Variants in VPS50 observed in about 807,000 individuals in gnomAD.
The protein encoded by VPS50 is syndetin.
In VPS50, 70 loss-of-function variants were observed where a neutral mutation model predicts 139.7. The ratio of observed to expected loss-of-function variants is 0.50; its 90% CI spans 0.41 to 0.61. VPS50 has a LOEUF of 0.61. Ranked by LOEUF, VPS50 falls within the 20% of genes least tolerant of loss-of-function variation. The probability of loss-of-function intolerance (pLI) is 0.00; values close to 1 mark genes in which losing one functional copy is unlikely to be tolerated. For missense variants in VPS50, 921 were observed against 1,133.7 expected (o/e 0.81, Z 2.69); for synonymous variants, 365 against 376.7 (o/e 0.97, Z 0.36).
intron 4 of VPS50, 24 bp downstream of exon 4, chr7:93,253,955 C>G: frequency 7.2e-7 from 1 of 1,383,344 alleles, no homozygotes; most frequent in Non-Finnish European, 1.0e-6. Flanking sequence ...AAACACATTT[C>G]TTTCTGGCAA....
At chr7:93,334,669 G>T (rs745523329) in intron 22 of VPS50, among the ~76,000 whole-genome samples, 3 of 152,106 alleles carry the variant, frequency 2.0e-5, no homozygotes, top group Non-Finnish European at 2.9e-5. Context: ...CTTTATAAAC[G>T]GCTTTGAAAT....
chr7:93,281,419 T>A (rs1796323074), intron 12 of VPS50, among the ~76,000 whole-genome samples: 1 of 152,176 alleles, frequency 6.6e-6, no homozygotes, highest in South Asian at 2.1e-4. Context: ...CTCAGGATTT[T>A]TGTTTAGAAT....
At chr7:93,241,654 G>C (rs1273720328) in intron 2 of VPS50, among the ~76,000 whole-genome samples, 1 of 151,886 alleles carries the variant, frequency 6.6e-6, no homozygotes, top group Non-Finnish European at 1.5e-5. Flanking sequence ...GAGAGTTGCT[G>C]GGTCCAGAGA....
At chr7:93,243,282 T>C (rs1206072735) in intron 2 of VPS50, among the ~76,000 whole-genome samples, 1 of 151,946 alleles carries the variant, frequency 6.6e-6, no homozygotes, top group African/African-American at 2.4e-5. Context: ...CCAAGATCAG[T>C]GGTGCCCAAA....
At chr7:93,242,409 G>A (rs568941801) in intron 2 of VPS50, among the ~76,000 whole-genome samples, 1 of 151,732 alleles carries the variant, frequency 6.6e-6, no homozygotes, top group Non-Finnish European at 1.5e-5. Flanking sequence ...GGTATTATAA[G>A]TTATACAACC....
chr7:93,236,937 C>CTTTT (rs71107889), intron 1 of VPS50, among the ~76,000 whole-genome samples: 1,377 of 31,138 alleles, frequency 0.044, 187 homozygotes, highest in Middle Eastern at 0.083. Context: ...TCTTTTACTT[C>CTTTT]TTTTTTTTTT....
At chr7:93,258,114 T>C (rs1414215999) in intron 6 of VPS50, 45 bp from the exon 7 acceptor site, 1 of 782,638 alleles carries the variant, frequency 1.3e-6, no homozygotes, top group Admixed American at 2.1e-5. Context: ...ATAGTATTCT[T>C]ATTATAATAA....
chr7:93,236,937 CTTTTTTTTTTTTTT>C (rs71107889), intron 1 of VPS50, among the ~76,000 whole-genome samples: 14 of 31,066 alleles, frequency 4.5e-4, no homozygotes, highest in Non-Finnish European at 6.5e-4. Context: ...TCTTTTACTT[CTTTTTTTTTTTTTT>C]TTTTTTTTTT....
chr7:93,355,119 T>TAAAA (rs202160213), intron 26 of VPS50, among the ~76,000 whole-genome samples: 1 of 138,024 alleles, frequency 7.2e-6, no homozygotes, highest in Non-Finnish European at 1.6e-5. Flanking sequence ...TACTCTTTTT[T>TAAAA]AAAAAAAAAA....
intron 21 of VPS50, among the ~76,000 whole-genome samples, chr7:93,331,117 GTAAA>G (rs1304330242): frequency 6.6e-6 from 1 of 151,878 alleles, no homozygotes. Flanking sequence ...TAAAGACTAT[GTAAA>G]TAAATAATGA....
intron 20 of VPS50, among the ~76,000 whole-genome samples, chr7:93,319,588 C>T (rs189238487): frequency 6.9e-4 from 105 of 152,220 alleles, no homozygotes; most frequent in African/African-American, 2.4e-3. Flanking sequence ...GAATTTCTCT[C>T]TCTTTGAAAA....
At chr7:93,285,502 A>G (rs1328193689) in intron 12 of VPS50, among the ~76,000 whole-genome samples, 2 of 152,220 alleles carry the variant, frequency 1.3e-5, no homozygotes, top group South Asian at 2.1e-4. Flanking sequence ...TTGCATTTAA[A>G]TAACTTTCAG....
chr7:93,314,149 G>A (rs1465629447), intron 20 of VPS50, among the ~76,000 whole-genome samples: 2 of 152,138 alleles, frequency 1.3e-5, no homozygotes, highest in East Asian at 1.9e-4. Context: ...AACTGGCAGA[G>A]GTCATGCTTC....
chr7:93,271,103 T>TA (rs1795991793), intron 9 of VPS50, 117 bp from the exon 10 acceptor site: 1 of 1,408,054 alleles, frequency 7.1e-7, no homozygotes, highest in Non-Finnish European at 9.3e-7. Flanking sequence ...CAGCATGTCT[T>TA]ACGATCTATA....
intron 20 of VPS50, among the ~76,000 whole-genome samples, chr7:93,318,527 A>G (rs930421330): frequency 1.3e-5 from 2 of 152,212 alleles, no homozygotes; most frequent in Non-Finnish European, 2.9e-5. Flanking sequence ...GTGTACTGAA[A>G]TAAAATAATG....
In VPS50 at chr7:93,357,035, C is replaced by T. The variant is rs138683986; in HGVS notation, c.2775+955C>T. Reference sequence around the variant, plus strand: ...ATGTATGTGTTATTTTTAATGAGTTCGACCAGTAAAGCCAGATTGAGAAAA... The same window carrying T: ...ATGTATGTGTTATTTTTAATGAGTTTGACCAGTAAAGCCAGATTGAGAAAA... On this transcript the variant is annotated intron_variant, in intron 27 of 27. Transcript: ENST00000305866. Among the ~76,000 whole-genome samples the T allele has an allele frequency of 5.9e-5, 9 of 152,176 alleles. No homozygotes were observed. In the East Asian group the frequency reaches 9.7e-4, roughly 16 times the overall value.
At chr7:93,326,490 T>C (rs930897948) in intron 21 of VPS50, among the ~76,000 whole-genome samples, 14 of 150,426 alleles carry the variant, frequency 9.3e-5, no homozygotes, top group Admixed American at 9.3e-4. Context: ...AATACAGTAT[T>C]GAAACCCAGA....
intron 10 of VPS50, among the ~76,000 whole-genome samples, chr7:93,271,943 A>G (rs1584412241): frequency 6.6e-6 from 1 of 151,932 alleles, no homozygotes; most frequent in East Asian, 1.9e-4. Flanking sequence ...CCACAAATGC[A>G]ATTATTTGCT....
chr7:93,292,694 A>C (rs1240946704), intron 13 of VPS50, among the ~76,000 whole-genome samples: 1 of 152,044 alleles, frequency 6.6e-6, no homozygotes, highest in Admixed American at 6.6e-5. Flanking sequence ...CCCAAATCTC[A>C]CTGTTTGATT....
Sources: allele counts gnomAD v4.1 joint callset (sites outside exome capture counted in the v4.1 genomes callset), GRCh38; gene constraint gnomAD v4.1.1; transcripts MANE v1.5; gene names NCBI Gene and HGNC (gene_info 2026-07-23, HGNC 2026-07-21).